The following MBD5 variants were observed in gnomAD, a reference collection of about 807,000 sequenced individuals.
The protein encoded by MBD5 is methyl-CpG binding domain protein 5, also known as methyl-CpG-binding domain protein 5.
MBD5 carries 13 observed loss-of-function variants against 117.3 expected under a neutral mutation model. The ratio of observed to expected loss-of-function variants is 0.11; its 90% CI spans 0.07 to 0.18. The LOEUF (loss-of-function observed/expected upper bound fraction) is 0.18, where lower values mean the gene tolerates loss of function less well. MBD5 is among the 10% of genes least tolerant of loss of function. MBD5 has a pLI of 1.00. For missense variants in MBD5, 1,879 were observed against 2,093.8 expected, an observed-to-expected ratio of 0.90 and a Z score of 2.00; for synonymous variants, 727 against 766.4, an observed-to-expected ratio of 0.95 and a Z score of 0.85.
At chr2:148,494,772 T>C (rs1218484990) in intron 11 of MBD5, among the ~76,000 whole-genome samples, 4 of 152,108 alleles carry the variant, frequency 2.6e-5, no homozygotes, top group Non-Finnish European at 5.9e-5. Context: ...CCATCCTGGC[T>C]GACACGGTGA....
At chr2:148,110,544 T>C (rs1432186989) in intron 1 of MBD5, among the ~76,000 whole-genome samples, 3 of 152,164 alleles carry the variant, frequency 2.0e-5, no homozygotes, top group African/African-American at 4.8e-5. Context: ...TTTTCCTTAG[T>C]GTTGTATTCT....
At chr2:148,429,450 G>C (rs1341814147) in intron 4 of MBD5, among the ~76,000 whole-genome samples, 1 of 152,002 alleles carries the variant, frequency 6.6e-6, no homozygotes, top group African/African-American at 2.4e-5. Flanking sequence ...ATTCCTCAAG[G>C]ATCCAGAACT....
chr2:148,157,848 G>C (rs116267882), intron 1 of MBD5, among the ~76,000 whole-genome samples: 72 of 152,168 alleles, frequency 4.7e-4, no homozygotes, highest in African/African-American at 1.7e-3. Context: ...TTTTATTCCA[G>C]AGGACAGTTT....
chr2:148,457,065 C>G (rs75370679), intron 4 of MBD5, among the ~76,000 whole-genome samples: 2,464 of 152,196 alleles, frequency 0.016, 76 homozygotes, highest in African/African-American at 0.055. Context: ...CTTTGAAATA[C>G]GTGTTGTCTA....
At chr2:148,274,230 C>T (rs908770208) in intron 3 of MBD5, among the ~76,000 whole-genome samples, 4 of 152,024 alleles carry the variant, frequency 2.6e-5, no homozygotes, top group African/African-American at 9.7e-5. Flanking sequence ...CACACACAAA[C>T]CACTTTTTTT....
intron 1 of MBD5, among the ~76,000 whole-genome samples, chr2:148,123,909 G>T (rs1696826520): frequency 6.6e-6 from 1 of 152,230 alleles, no homozygotes; most frequent in Admixed American, 6.5e-5. Flanking sequence ...TACTTCGGTG[G>T]TGATGGTAAT....
Position 148,469,217 on chromosome 2 carries a change from G to A in MBD5, c.1274G>A (p.Arg425Lys). ...ATGAATCATGGGAGTCATGTACAAA[G>A]AGTTCAGCATTCAGCTTCAACCTCC... ...GHMNHGSHVQ[R>K]VQHSASTSLS... The change falls in exon 8 of 14, where the codon AGA becomes AAA. Residue 425 changes from arginine (R) to lysine (K), a missense_variant. By Grantham distance (26) the Arg-to-Lys change is conservative. This residue lies in a region of MBD5 where 1,666 missense variants were observed against 1,792.2 expected (regional missense o/e 0.93). Coordinates refer to ENST00000642680, the MANE Select transcript of MBD5 (RefSeq NM_001378120.1). The A allele has an allele frequency of 1.2e-6, 2 of 1,614,016 alleles. No homozygotes were observed. The highest frequency in any genetic ancestry group is 1.7e-6 in the Non-Finnish European group (2 of 1,179,972).
At chr2:148,392,135 A>C (rs1704586427) in intron 4 of MBD5, among the ~76,000 whole-genome samples, 1 of 152,198 alleles carries the variant, frequency 6.6e-6, no homozygotes. Flanking sequence ...TAATACAGAC[A>C]AAGTTCATAT....
chr2:148,480,357 A>G (rs1681111273), intron 8 of MBD5, among the ~76,000 whole-genome samples: 1 of 152,116 alleles, frequency 6.6e-6, no homozygotes, highest in African/African-American at 2.4e-5. Flanking sequence ...AAAGATTAAA[A>G]TTATAATAAT....
At chr2:148,240,715 C>A (rs1574180777) in intron 3 of MBD5, among the ~76,000 whole-genome samples, 2 of 152,250 alleles carry the variant, frequency 1.3e-5, no homozygotes, top group East Asian at 3.9e-4. Context: ...ATAAAACTTA[C>A]ATAGAACTAA....
chr2:148,362,145 C>G (rs1470552152), intron 4 of MBD5, among the ~76,000 whole-genome samples: 1 of 152,272 alleles, frequency 6.6e-6, no homozygotes, highest in South Asian at 2.1e-4. Context: ...GAACCATTCA[C>G]TCTCCTGGAA....
chr2:148,089,433 C>A (rs1695880561), intron 1 of MBD5, among the ~76,000 whole-genome samples: 1 of 151,960 alleles, frequency 6.6e-6, no homozygotes, highest in Non-Finnish European at 1.5e-5. Flanking sequence ...CCGTGATAGA[C>A]CATACGATAG....
chr2:148,021,481 T>TGCTGC lies in MBD5; in HGVS notation c.-1128_-1127insGCTGC. On this transcript the variant is annotated 5_prime_UTR_variant, in exon 1 of 14. Coordinates refer to ENST00000642680, the MANE Select transcript of MBD5 (RefSeq NM_001378120.1). Reference sequence around the variant, plus strand: ...GCTGCTGTTGCTGCTGCTGCTGCTGTTGCTGCTGCTGCTGCTACTGCTGCT... The same window carrying TGCTGC: ...GCTGCTGTTGCTGCTGCTGCTGCTGTGCTGCTGCTGCTGCTGCTGCTACTGCTGCT... 1.7e-6 allele frequency: 1 copy of TGCTGC among 573,528 alleles called. No homozygotes were observed. Among genetic ancestry groups the TGCTGC allele is most frequent in the Admixed American group, 2.2e-5 (1 of 46,162 alleles). The allele number at this position is 573,528 out of a possible 1,614,324, so 35.5% of individuals were successfully genotyped here.
chr2:148,463,214 A>G (rs1442562601), intron 6 of MBD5, among the ~76,000 whole-genome samples: 3 of 152,186 alleles, frequency 2.0e-5, no homozygotes, highest in African/African-American at 2.4e-5. Flanking sequence ...TGCCAATTTT[A>G]AAAGTAAAGG....
At chr2:148,251,515 T>C (rs1222198356) in intron 3 of MBD5, among the ~76,000 whole-genome samples, 1 of 152,202 alleles carries the variant, frequency 6.6e-6, no homozygotes, top group Non-Finnish European at 1.5e-5. Flanking sequence ...ATATTAAAAA[T>C]AAAGTTCTCA....
At chr2:148,189,355 T>C (rs1698770587) in intron 2 of MBD5, among the ~76,000 whole-genome samples, 2 of 151,324 alleles carry the variant, frequency 1.3e-5, no homozygotes, top group East Asian at 1.9e-4. Flanking sequence ...TAAGTGTCCC[T>C]GTCTGACAGC....
At chr2:148,317,121 G>T (rs1217363363) in intron 3 of MBD5, among the ~76,000 whole-genome samples, 1 of 152,152 alleles carries the variant, frequency 6.6e-6, no homozygotes, top group Non-Finnish European at 1.5e-5. Flanking sequence ...GGCCAAGGTG[G>T]GTGGATCACC....
chr2:148,313,379 T>C (rs189553424), intron 3 of MBD5, among the ~76,000 whole-genome samples: 10 of 152,340 alleles, frequency 6.6e-5, no homozygotes, highest in Admixed American at 5.9e-4. Flanking sequence ...AGAGGCAGTC[T>C]GGCTACAGCG....
intron 2 of MBD5, among the ~76,000 whole-genome samples, chr2:148,213,759 A>G (rs1291324825): frequency 1.4e-5 from 2 of 140,482 alleles, no homozygotes; most frequent in Non-Finnish European, 3.1e-5. Context: ...ACTTTTTGAT[A>G]TGGTGATGGT....
Sources: allele counts gnomAD v4.1 joint callset (sites outside exome capture counted in the v4.1 genomes callset), GRCh38; gene constraint gnomAD v4.1.1; regional missense constraint gnomAD v4.1.1; transcripts MANE v1.5; gene names NCBI Gene and HGNC (gene_info 2026-07-23, HGNC 2026-07-21).